The following GNG7 variants were observed in gnomAD, a reference collection of about 807,000 sequenced individuals.
GNG7 encodes the protein G protein subunit gamma 7, also known as guanine nucleotide-binding protein G(I)/G(S)/G(O) subunit gamma-7.
Under a neutral mutation model 4.0 loss-of-function variants are expected in GNG7, and 1 was observed. The observed-to-expected ratio is 0.25, with a 90% confidence interval of 0.09 to 1.18. The LOEUF (loss-of-function observed/expected upper bound fraction) is 1.18, where lower values mean the gene tolerates loss of function less well. GNG7 is among the 50% of genes most tolerant of loss of function. GNG7 has a pLI of 0.50. For missense variants in GNG7, 86 were observed against 91.9 expected, an observed-to-expected ratio of 0.94 and a Z score of 0.26; for synonymous variants, 34 against 36.9, an observed-to-expected ratio of 0.92 and a Z score of 0.29.
At chr19:2,559,386 C>T (rs1195533685) in intron 2 of GNG7, among the ~76,000 whole-genome samples, 2 of 142,524 alleles carry the variant, frequency 1.4e-5, no homozygotes, top group African/African-American at 2.6e-5. Context: ...GGGTCTCGCT[C>T]TGTTGCCCAG....
intron 1 of GNG7, among the ~76,000 whole-genome samples, chr19:2,672,982 T>C (rs927723514): frequency 1.8e-4 from 27 of 151,392 alleles, no homozygotes; most frequent in Non-Finnish European, 2.8e-4. Context: ...GTTGGCCGGG[T>C]GCGGTGGTTC....
chr19:2,556,561 G>A (rs547530628), intron 2 of GNG7, among the ~76,000 whole-genome samples: 1 of 152,220 alleles, frequency 6.6e-6, no homozygotes, highest in South Asian at 2.1e-4. Flanking sequence ...CTGGAGTCCG[G>A]GCCACCCACA....
At chr19:2,689,475 T>C (rs1224857438) in intron 1 of GNG7, among the ~76,000 whole-genome samples, 2 of 151,342 alleles carry the variant, frequency 1.3e-5, no homozygotes, top group Non-Finnish European at 2.9e-5. Context: ...ATACAAAAAA[T>C]AGCCGGGTGT....
rs1051134667 is a variant in GNG7, at chr19:2,609,483, C to A, written c.-78+36741G>T. ...GGTCCGGGTAACAACTGCAGTTTAG[C>A]CGCTCACTTGCTGGAGGACCTCAGG... On this transcript the variant is annotated intron_variant, in intron 2 of 4. Transcript: ENST00000382159. The surrounding 1 kb of genome is among the most constrained non-coding windows in gnomAD (Gnocchi z 4.4). 3.3e-5 allele frequency among the ~76,000 whole-genome samples: 5 copies of A among 152,112 alleles called. No individual in the cohort carries two copies. Among genetic ancestry groups the A allele is most frequent in the African/African-American group, 1.2e-4 (5 of 41,422 alleles).
At chr19:2,542,104 G>GTTTT (rs1555692195) in intron 3 of GNG7, among the ~76,000 whole-genome samples, 15 of 103,608 alleles carry the variant, frequency 1.4e-4, no homozygotes, top group African/African-American at 1.8e-4. Context: ...AGCGCTGTGT[G>GTTTT]TTCTTTTTTT....
chr19:2,566,284 T>C (rs907108183), intron 2 of GNG7, among the ~76,000 whole-genome samples: 3 of 152,152 alleles, frequency 2.0e-5, no homozygotes, highest in Non-Finnish European at 2.9e-5. Flanking sequence ...GGGGTGTCAC[T>C]TCCACAAGCC....
intron 2 of GNG7, among the ~76,000 whole-genome samples, chr19:2,593,098 T>G (rs990077415): frequency 6.6e-6 from 1 of 152,036 alleles, no homozygotes; most frequent in African/African-American, 2.4e-5. Flanking sequence ...AAATGCATAC[T>G]CTTTCTAACC....
chr19:2,694,878 C>A (rs1568287340), intron 1 of GNG7, among the ~76,000 whole-genome samples: 1 of 151,720 alleles, frequency 6.6e-6, no homozygotes, highest in Non-Finnish European at 1.5e-5. Flanking sequence ...CTGCTCGGCA[C>A]CTCAGGACCT....
chr19:2,518,324 G>A (rs529420137), intron 4 of GNG7, among the ~76,000 whole-genome samples: 1 of 152,244 alleles, frequency 6.6e-6, no homozygotes, highest in African/African-American at 2.4e-5. Context: ...ACCGCCCTCC[G>A]CCCGGGCTGG....
intron 2 of GNG7, among the ~76,000 whole-genome samples, chr19:2,602,229 T>C (rs559241795): frequency 6.8e-4 from 104 of 152,054 alleles, no homozygotes; most frequent in African/African-American, 2.3e-3. Context: ...CTCAGCTACT[T>C]GGGAGGCTGA....
intron 2 of GNG7, among the ~76,000 whole-genome samples, chr19:2,566,114 C>A (rs1266217044): frequency 1.3e-5 from 2 of 151,876 alleles, no homozygotes; most frequent in Non-Finnish European, 2.9e-5. Context: ...GCCAAAATCG[C>A]ACCACTGCAC....
intron 2 of GNG7, among the ~76,000 whole-genome samples, chr19:2,591,352 G>T (rs1018798729): frequency 6.6e-6 from 1 of 151,988 alleles, no homozygotes. Flanking sequence ...TTGTAAGATG[G>T]CAATAATGCA....
chr19:2,650,912 C>T (rs58641595), intron 1 of GNG7, among the ~76,000 whole-genome samples: 2 of 152,164 alleles, frequency 1.3e-5, no homozygotes, highest in Non-Finnish European at 2.9e-5. Flanking sequence ...CAACACGAAC[C>T]GCTGGGACCT....
chr19:2,639,586 G>GGAAGGAATGGGGTGTT (rs71179903), intron 2 of GNG7, among the ~76,000 whole-genome samples: 12 of 149,698 alleles, frequency 8.0e-5, no homozygotes, highest in South Asian at 4.3e-4. Context: ...GATGTCAAAT[G>GGAAGGAATGGGGTGTT]TAGATGGCAG....
chr19:2,685,955 C>T (rs1568284835), intron 1 of GNG7, among the ~76,000 whole-genome samples: 9 of 152,170 alleles, frequency 5.9e-5, no homozygotes, highest in African/African-American at 1.4e-4. Context: ...TCTCCTGTCC[C>T]GGCCCAGTTT....
chr19:2,647,402 G>A (rs745358645), intron 1 of GNG7, among the ~76,000 whole-genome samples: 3 of 152,122 alleles, frequency 2.0e-5, no homozygotes, highest in Non-Finnish European at 4.4e-5. Flanking sequence ...TGGCCTCCCC[G>A]ACCCACCCCA....
At position 2,591,062 on chromosome 19, in the gene GNG7, T is replaced by C. The variant is rs139133983; in HGVS notation, c.-77-35874A>G. ...TCATTTTAAAATGTTAATATCTACTTTATTTTTCAAAGTTGAGCACGATAT... is the reference window on the plus strand; with the variant it reads ...TCATTTTAAAATGTTAATATCTACTCTATTTTTCAAAGTTGAGCACGATAT... On this transcript the variant is annotated intron_variant, in intron 2 of 4. Coordinates refer to ENST00000382159, the MANE Select transcript of GNG7 (RefSeq NM_052847.3). 2.5e-3 allele frequency among the ~76,000 whole-genome samples: 388 copies of C among 152,360 alleles called. 15 individuals carry two copies. In the East Asian group the frequency reaches 0.068, roughly 27 times the overall value.
chr19:2,585,838 T>C (rs1466245328), intron 2 of GNG7, among the ~76,000 whole-genome samples: 6 of 152,056 alleles, frequency 3.9e-5, no homozygotes, highest in East Asian at 1.9e-4. Context: ...GTAGCTGGGA[T>C]TACAGGCACC....
chr19:2,521,614 T>TTTTTTC (rs1555690415), intron 3 of GNG7, among the ~76,000 whole-genome samples: 12 of 134,432 alleles, frequency 8.9e-5, no homozygotes, highest in Admixed American at 8.7e-4. Flanking sequence ...CCCTCCGTGT[T>TTTTTTC]TTTTTTTTTT....
Sources: allele counts gnomAD v4.1 joint callset (sites outside exome capture counted in the v4.1 genomes callset), GRCh38; gene constraint gnomAD v4.1.1; non-coding constraint Gnocchi (gnomAD v3.1); transcripts MANE v1.5; gene names NCBI Gene and HGNC (gene_info 2026-07-23, HGNC 2026-07-21).